The following SECISBP2L variants were observed in gnomAD, a reference collection of about 807,000 sequenced individuals.
The protein encoded by SECISBP2L is SECIS binding protein 2 like.
In SECISBP2L, 43 loss-of-function variants were observed where a neutral mutation model predicts 114.7. The observed-to-expected ratio is 0.38, with a 90% CI of 0.29 to 0.48. SECISBP2L has a LOEUF of 0.48. Ranked by LOEUF, SECISBP2L falls within the 20% of genes least tolerant of loss-of-function variation. SECISBP2L has a pLI of 0.98. For missense variants in SECISBP2L, 1,136 were observed against 1,301.1 expected (o/e 0.87, Z 1.95); for synonymous variants, 451 against 439.7 (o/e 1.03, Z -0.32).
At chr15:49,043,377 T>G (rs1595799188) in intron 1 of SECISBP2L, among the ~76,000 whole-genome samples, 1 of 152,160 alleles carries the variant, frequency 6.6e-6, no homozygotes, top group Non-Finnish European at 1.5e-5. Context: ...CATTAATAAC[T>G]AGTAATCTTA....
intron 1 of SECISBP2L, among the ~76,000 whole-genome samples, chr15:49,039,680 G>C (rs919652353): frequency 6.6e-6 from 1 of 151,076 alleles, no homozygotes; most frequent in Admixed American, 6.6e-5. Context: ...GACTACAGGT[G>C]CACATCACCA....
intron 17 of SECISBP2L, among the ~76,000 whole-genome samples, chr15:48,995,457 A>T (rs1303844740): frequency 1.3e-5 from 2 of 152,218 alleles, no homozygotes; most frequent in Non-Finnish European, 2.9e-5. Context: ...CAGGGAGGCC[A>T]GGAAGGAGAA....
chr15:49,046,181 GC>G, intron 1 of SECISBP2L, 94 bp downstream of exon 1: 28 of 1,426,870 alleles, frequency 2.0e-5, no homozygotes, highest in East Asian at 5.4e-5. Context: ...CGCAGGACCG[GC>G]CCCCGGTCCC....
At chr15:49,033,348 TA>T (rs1902937519) in intron 3 of SECISBP2L, among the ~76,000 whole-genome samples, 1 of 152,184 alleles carries the variant, frequency 6.6e-6, no homozygotes, top group Admixed American at 6.5e-5. Flanking sequence ...CAAGTATGAT[TA>T]ATAAATGAAT....
intron 11 of SECISBP2L, among the ~76,000 whole-genome samples, chr15:49,015,695 C>G (rs959917060): frequency 6.6e-6 from 1 of 152,146 alleles, no homozygotes; most frequent in African/African-American, 2.4e-5. Flanking sequence ...ATTACTGTTT[C>G]AGTAGAAAGC....
At chr15:48,992,955 A>C in intron 17 of SECISBP2L, 29 bp from the exon 18 acceptor site, 1 of 1,561,616 alleles carries the variant, frequency 6.4e-7, no homozygotes, top group Non-Finnish European at 8.7e-7. Flanking sequence ...TTTTTTAAAA[A>C]CCAGAACACT....
rs1901970309 is a variant in SECISBP2L, at chr15:48,991,148, T to C, written c.*1096A>G. On this transcript the variant is annotated 3_prime_UTR_variant, in exon 18 of 18. Transcript: ENST00000559471. ...ACAACTTTCTCTTATCTTCTAAAAC[T>C]TCCTCCTCTAAGCCTTGATTATCAG... The C allele has an allele frequency of 6.6e-6, 1 of 152,218 alleles. No individual in the cohort carries two copies. The highest frequency in any genetic ancestry group is 2.4e-5 in the African/African-American group (1 of 41,456). 9.4% of individuals were successfully genotyped at this position (152,218 alleles called of 1,614,324 possible).
intron 11 of SECISBP2L, 108 bp from the exon 12 acceptor site, chr15:49,012,925 G>A: frequency 5.5e-6 from 6 of 1,097,782 alleles, no homozygotes; most frequent in Non-Finnish European, 6.5e-6. Flanking sequence ...TGGAAAAAAC[G>A]ACATCATAAC....
chr15:48,989,819 A>T lies in SECISBP2L; in HGVS notation c.*2425T>A, dbSNP rs1440271229. On this transcript the variant is annotated 3_prime_UTR_variant, in exon 18 of 18. Coordinates refer to ENST00000559471, the MANE Select transcript of SECISBP2L (RefSeq NM_001193489.2). ...GAGCCAACCATGCCCACTTCAAAAAATATATAAAAACTTTCCTAATTTTCA... is the reference window on the plus strand; with the variant it reads ...GAGCCAACCATGCCCACTTCAAAAATTATATAAAAACTTTCCTAATTTTCA... The T allele has an allele frequency of 6.6e-6, 1 of 152,458 alleles. No homozygotes were observed. The highest frequency in any genetic ancestry group is 1.9e-4 in the East Asian group (1 of 5,202). 9.4% of individuals were successfully genotyped at this position (152,458 alleles called of 1,614,324 possible).
chr15:49,046,218 T>C (rs1903246407), intron 1 of SECISBP2L, 58 bp downstream of exon 1: 2 of 1,556,426 alleles, frequency 1.3e-6, no homozygotes, highest in Non-Finnish European at 1.7e-6. Flanking sequence ...GGGCCTGGCC[T>C]GTGAGGAAGC....
intron 3 of SECISBP2L, among the ~76,000 whole-genome samples, chr15:49,034,341 T>C (rs1013114689): frequency 1.3e-5 from 2 of 152,132 alleles, no homozygotes; most frequent in Non-Finnish European, 2.9e-5. Flanking sequence ...AGGCTTCAAC[T>C]GTAAAATAGC....
chr15:49,029,889 T>C (rs1251585609), intron 4 of SECISBP2L, among the ~76,000 whole-genome samples: 3 of 133,816 alleles, frequency 2.2e-5, no homozygotes, highest in Non-Finnish European at 3.2e-5. Flanking sequence ...TGCTTAATAA[T>C]GAGGCTGATC....
chr15:49,012,076 A>G (rs1252914922), intron 12 of SECISBP2L, among the ~76,000 whole-genome samples: 4 of 152,178 alleles, frequency 2.6e-5, no homozygotes, highest in Non-Finnish European at 5.9e-5. Context: ...GTTATAGAAT[A>G]TACAGCTATC....
chr15:49,031,219 T>C (rs976487351), intron 4 of SECISBP2L, among the ~76,000 whole-genome samples: 7 of 151,850 alleles, frequency 4.6e-5, no homozygotes, highest in African/African-American at 1.7e-4. Context: ...AGCTGATTTT[T>C]ATATTTTTTA....
intron 14 of SECISBP2L, among the ~76,000 whole-genome samples, chr15:49,003,408 T>G (rs987345294): frequency 6.6e-6 from 1 of 152,208 alleles, no homozygotes; most frequent in Non-Finnish European, 1.5e-5. Flanking sequence ...ACTTCCTCTC[T>G]TTCTATTTGA....
chr15:49,035,109 A>G (rs1902978287), intron 3 of SECISBP2L, among the ~76,000 whole-genome samples: 1 of 152,216 alleles, frequency 6.6e-6, no homozygotes, highest in South Asian at 2.1e-4. Flanking sequence ...AAAACTCTCT[A>G]AAGGAATGTG....
At chr15:49,010,508 T>G (rs975659126) in intron 13 of SECISBP2L, among the ~76,000 whole-genome samples, 1 of 151,954 alleles carries the variant, frequency 6.6e-6, no homozygotes, top group Non-Finnish European at 1.5e-5. Context: ...TTTTTTTTGG[T>G]TTTTTTGTTT....
intron 7 of SECISBP2L, among the ~76,000 whole-genome samples, chr15:49,023,550 A>G (rs565187520): frequency 7.2e-5 from 11 of 152,210 alleles, no homozygotes; most frequent in Non-Finnish European, 1.5e-4. Flanking sequence ...CTAACTAGAA[A>G]CTGATTCTAT....
chr15:49,002,002 G>T (rs1902220646), intron 14 of SECISBP2L: 1 of 150,320 alleles, frequency 6.7e-6, no homozygotes. Context: ...TGGGTCAAAT[G>T]GTTCTGATTC....
Sources: allele counts gnomAD v4.1 joint callset (sites outside exome capture counted in the v4.1 genomes callset), GRCh38; gene constraint gnomAD v4.1.1; transcripts MANE v1.5; gene names NCBI Gene and HGNC (gene_info 2026-07-23, HGNC 2026-07-21).